The following LTBP2 variants were observed in gnomAD, a reference collection of about 807,000 sequenced individuals.
The protein encoded by LTBP2 is latent-transforming growth factor beta-binding protein 2.
LTBP2 carries 103 observed loss-of-function variants against 210.6 expected under a neutral mutation model. The observed-to-expected ratio is 0.49, with a 90% CI of 0.42 to 0.58. The LOEUF (loss-of-function observed/expected upper bound fraction) is 0.58, where lower values mean the gene tolerates loss of function less well. LTBP2 is among the 20% of genes least tolerant of loss of function. The pLI is 0.00. For missense variants in LTBP2, 2,313 were observed against 2,494.5 expected, an observed-to-expected ratio of 0.93 and a Z score of 1.55; for synonymous variants, 1,007 against 1,015.0, an observed-to-expected ratio of 0.99 and a Z score of 0.15.
chr14:74,515,848 G>A (rs2087127458), intron 18 of LTBP2, among the ~76,000 whole-genome samples: 1 of 152,134 alleles, frequency 6.6e-6, no homozygotes. Flanking sequence ...GTTTTAAAGG[G>A]GGAGGACCAA....
intron 17 of LTBP2, among the ~76,000 whole-genome samples, chr14:74,518,667 T>G (rs2087165043): frequency 3.9e-5 from 6 of 152,240 alleles, no homozygotes; most frequent in Admixed American, 3.9e-4. Context: ...TAATAACCAT[T>G]TGTTTAAGGA....
At chr14:74,602,281 C>T (rs1473657216) in intron 2 of LTBP2, among the ~76,000 whole-genome samples, 1 of 152,230 alleles carries the variant, frequency 6.6e-6, no homozygotes, top group Non-Finnish European at 1.5e-5. Context: ...TAAGCATACA[C>T]CTACTTCATA....
At chr14:74,550,828 G>A (rs900172291) in intron 7 of LTBP2, among the ~76,000 whole-genome samples, 1 of 152,180 alleles carries the variant, frequency 6.6e-6, no homozygotes, top group African/African-American at 2.4e-5. Context: ...GAACTTCCTT[G>A]GGTCTTCTTC....
intron 3 of LTBP2, among the ~76,000 whole-genome samples, chr14:74,560,912 AC>A (rs112541633): frequency 3.2e-4 from 49 of 152,318 alleles, no homozygotes; most frequent in African/African-American, 1.1e-3. Flanking sequence ...TATATCAGAG[AC>A]TTGAACATCC....
In LTBP2 at chr14:74,516,878, G is replaced by A. The variant is rs773718655; in HGVS notation, c.2852C>T (p.Ser951Leu). 1.3e-4 allele frequency: 206 copies of A among 1,551,792 alleles called. No homozygotes were observed. Among genetic ancestry groups the A allele is most frequent in the Non-Finnish European group, 1.8e-4 (203 of 1,147,088 alleles). ...GCCCTGATCACACTCGCAGTGGTAC[G>A]AGCCCTCGGTGTTGGTGCACTGCCC... ...SGGQCTNTEGSYHCECDQGYI... is the reference protein window; with the variant it reads ...SGGQCTNTEGLYHCECDQGYI... Residue 951 changes from serine to leucine, a missense_variant, in exon 18 of 36, where the codon TCG becomes TTG. Coordinates refer to ENST00000261978, the MANE Select transcript of LTBP2 (RefSeq NM_000428.3).
At chr14:74,535,191 C>G (rs562994069) in intron 9 of LTBP2, among the ~76,000 whole-genome samples, 14 of 152,212 alleles carry the variant, frequency 9.2e-5, no homozygotes, top group Middle Eastern at 6.8e-3. Context: ...CAGCCTGGCA[C>G]CCCCAAGGAA....
chr14:74,564,253 TTA>T (rs1169287243), intron 3 of LTBP2, among the ~76,000 whole-genome samples: 2 of 6,160 alleles, frequency 3.2e-4, no homozygotes, highest in African/African-American at 5.8e-4. Context: ...TTATATATAT[TTA>T]TATATATTTA....
chr14:74,555,425 G>T, intron 4 of LTBP2, 78 bp downstream of exon 4: 1 of 1,426,102 alleles, frequency 7.0e-7, no homozygotes, highest in Non-Finnish European at 9.9e-7. Context: ...CTCTGTGAGA[G>T]CAGAGGGGGA....
Position 74,503,296 on chromosome 14 carries a change from G to A in LTBP2, c.4811C>T (p.Thr1604Ile). 1 of 1,614,070 alleles carries A rather than the reference G, an allele frequency of 6.2e-7. No individual in the cohort carries two copies. Among genetic ancestry groups the A allele is most frequent in the Non-Finnish European group, 8.5e-7 (1 of 1,180,028 alleles). Residue 1604 changes from threonine to isoleucine, a missense_variant, in exon 33 of 36, where the codon ACC becomes ATC. Around this residue, in one of 3 missense-constraint regions of LTBP2, gnomAD observed 443 missense variants for 501.4 expected, o/e 0.88. Coordinates refer to ENST00000261978, the MANE Select transcript of LTBP2 (RefSeq NM_000428.3). ...CTGGCAGCAGCATTCCGTGTAGGTG[G>A]TGCGGTGCCCACGCAGGGGTTCGCT... ...VCSEPLRGHR[T>I]TYTECCCQDG...
Position 74,608,082 on chromosome 14 carries a change from G to T in LTBP2, c.494+3369C>A, listed in dbSNP as rs537938200. Among the ~76,000 whole-genome samples, 325 of 151,500 alleles carry T rather than the reference G, an allele frequency of 2.1e-3. 2 individuals carry two copies. The highest frequency in any genetic ancestry group is 7.3e-3 in the African/African-American group (300 of 41,348). ...ACTACAGGCGCCCGCCACCGCGCCCGGCTAATTTTTTGTATTTTTAGTAGA... is the reference window on the plus strand; with the variant it reads ...ACTACAGGCGCCCGCCACCGCGCCCTGCTAATTTTTTGTATTTTTAGTAGA... On this transcript the variant is annotated intron_variant, in intron 1 of 35. Transcript: ENST00000261978.
chr14:74,597,606 T>G (rs898581849), intron 2 of LTBP2, among the ~76,000 whole-genome samples: 2 of 152,170 alleles, frequency 1.3e-5, no homozygotes, highest in Non-Finnish European at 2.9e-5. Flanking sequence ...CAAGGACATC[T>G]CCTAATCACC....
At position 74,603,620 on chromosome 14, in the gene LTBP2, G is replaced by T; in HGVS notation, c.565+15C>A. ...TTGATAGAGCGGAGTGTCTGCTACT[G>T]GTGGAGGCACTCACGTTTGATACAG... is the stretch of plus-strand genomic sequence containing the variant. On this transcript the variant is annotated intron_variant, in intron 2 of 35. Coordinates refer to ENST00000261978, the MANE Select transcript of LTBP2 (RefSeq NM_000428.3). 1 of 1,614,016 alleles carries T rather than the reference G, an allele frequency of 6.2e-7. No individual in the cohort carries two copies. Among genetic ancestry groups the T allele is most frequent in the Non-Finnish European group, 8.5e-7 (1 of 1,179,878 alleles).
chr14:74,515,945 T>C (rs1344533998), intron 18 of LTBP2, among the ~76,000 whole-genome samples: 1 of 152,246 alleles, frequency 6.6e-6, no homozygotes, highest in Non-Finnish European at 1.5e-5. Flanking sequence ...TTTGCTTCTC[T>C]GGACTTCGCT....
chr14:74,561,167 A>T (rs545977659), intron 3 of LTBP2, among the ~76,000 whole-genome samples: 1 of 152,174 alleles, frequency 6.6e-6, no homozygotes, highest in Admixed American at 6.5e-5. Flanking sequence ...AAAATACAAA[A>T]ATTAGCCGGG....
At chr14:74,566,109 C>T (rs2087899159) in intron 3 of LTBP2, among the ~76,000 whole-genome samples, 1 of 151,672 alleles carries the variant, frequency 6.6e-6, no homozygotes, top group Non-Finnish European at 1.5e-5. Flanking sequence ...CATAGACAAT[C>T]GTCATAGTTT....
At chr14:74,574,613 T>C (rs1362540506) in intron 3 of LTBP2, among the ~76,000 whole-genome samples, 3 of 152,100 alleles carry the variant, frequency 2.0e-5, no homozygotes, top group African/African-American at 7.2e-5. Context: ...CTGGAAAAGG[T>C]AGCTTTCCCC....
chr14:74,584,032 T>C (rs1231295726), intron 3 of LTBP2, among the ~76,000 whole-genome samples: 2 of 152,152 alleles, frequency 1.3e-5, no homozygotes, highest in African/African-American at 4.8e-5. Context: ...TTAGGCTAAC[T>C]GTAGTTTGGA....
At chr14:74,502,993 CT>C in intron 33 of LTBP2, 59 bp from the exon 34 acceptor site, 2 of 1,598,132 alleles carry the variant, frequency 1.3e-6, no homozygotes, top group Non-Finnish European at 1.7e-6. Context: ...TAAAGCCTGG[CT>C]GGCTTTGTCT....
rs749684390 is a variant in LTBP2 at position 74,509,382 on chromosome 14, C to T, written c.3278-19G>A. On this transcript the variant is annotated intron_variant, in intron 21 of 35. Coordinates refer to ENST00000261978, the MANE Select transcript of LTBP2 (RefSeq NM_000428.3). ...TCTAGGTCTGCAGACAGACAGCGCT[C>T]GCCCGGGGACCTAGGAGGGCTCCCA... 35 of 1,612,418 alleles carry T rather than the reference C, an allele frequency of 2.2e-5. No homozygotes were observed. Among genetic ancestry groups the T allele is most frequent in the Middle Eastern group, 1.6e-4 (1 of 6,072 alleles).
Sources: gnomAD v4.1 joint callset for allele counts (sites outside exome capture counted in the v4.1 genomes callset) on GRCh38, gnomAD v4.1.1 for gene constraint, gnomAD v4.1.1 regional missense constraint, MANE v1.5 for transcripts, NCBI Gene and HGNC (gene_info 2026-07-23, HGNC 2026-07-21) for gene names.